CAMK1D: variants seen among roughly 807,000 people sequenced by gnomAD.
CAMK1D encodes calcium/calmodulin dependent protein kinase ID.
In CAMK1D, 9 loss-of-function variants were observed where a neutral mutation model predicts 47.7. The observed-to-expected ratio is 0.19, with a 90% CI of 0.11 to 0.33. The LOEUF (loss-of-function observed/expected upper bound fraction) is 0.33, where lower values mean the gene tolerates loss of function less well. Ranked by LOEUF, CAMK1D falls within the 10% of genes least tolerant of loss-of-function variation. The pLI is 1.00. For missense variants in CAMK1D, 291 were observed against 488.7 expected (o/e 0.60, Z 3.81); for synonymous variants, 184 against 184.9 (o/e 0.99, Z 0.04).
intron 4 of CAMK1D, among the ~76,000 whole-genome samples, chr10:12,768,818 T>C (rs1332576737): frequency 6.6e-6 from 1 of 152,142 alleles, no homozygotes; most frequent in East Asian, 1.9e-4. Context: ...CCTGCTTCCT[T>C]GCTAGGAACA....
At chr10:12,704,574 A>G (rs1264207231) in intron 3 of CAMK1D, among the ~76,000 whole-genome samples, 1 of 152,148 alleles carries the variant, frequency 6.6e-6, no homozygotes, top group African/African-American at 2.4e-5. Flanking sequence ...AAAAAAAAAG[A>G]AAGATTACCC....
intron 1 of CAMK1D, among the ~76,000 whole-genome samples, chr10:12,427,281 C>T (rs111971219): frequency 5.3e-5 from 8 of 152,316 alleles, no homozygotes; most frequent in African/African-American, 1.9e-4. Context: ...ACCAGTTCAC[C>T]CCTAGGCAAA....
At chr10:12,635,125 A>G (rs77716576) in intron 2 of CAMK1D, among the ~76,000 whole-genome samples, 2,914 of 152,162 alleles carry the variant, frequency 0.019, 85 homozygotes, top group African/African-American at 0.066. Flanking sequence ...TGTGGGGAAC[A>G]TGAGAGAGGT....
chr10:12,374,258 C>CAAAAAAAAAAAAAAA (rs56312810), intron 1 of CAMK1D, among the ~76,000 whole-genome samples: 28 of 91,720 alleles, frequency 3.1e-4, no homozygotes, highest in Non-Finnish European at 4.8e-4. Flanking sequence ...GACTCTGTCT[C>CAAAAAAAAAAAAAAA]AAAAAAAAAA....
chr10:12,801,665 A>G (rs75170733), intron 6 of CAMK1D, among the ~76,000 whole-genome samples: 7 of 152,120 alleles, frequency 4.6e-5, no homozygotes, highest in African/African-American at 1.7e-4. Flanking sequence ...GTCTATCTTC[A>G]TATCTATATC....
At chr10:12,533,385 C>T (rs891185531) in intron 1 of CAMK1D, among the ~76,000 whole-genome samples, 1 of 152,194 alleles carries the variant, frequency 6.6e-6, no homozygotes, top group African/African-American at 2.4e-5. Context: ...CAAGTACCAT[C>T]TCCTGGTTAT....
At chr10:12,819,320 G>A (rs1475004291) in intron 8 of CAMK1D, among the ~76,000 whole-genome samples, 1 of 152,234 alleles carries the variant, frequency 6.6e-6, no homozygotes, top group African/African-American at 2.4e-5. Context: ...GCTTAAAACT[G>A]CATGTGCGTT....
intron 1 of CAMK1D, among the ~76,000 whole-genome samples, chr10:12,395,265 G>A (rs542369905): frequency 3.1e-4 from 47 of 151,372 alleles, no homozygotes; most frequent in African/African-American, 1.1e-3. Flanking sequence ...TAGAGACCAG[G>A]GGGTCCCAAA....
intron 1 of CAMK1D, among the ~76,000 whole-genome samples, chr10:12,406,238 T>G (rs1440509370): frequency 4.6e-5 from 7 of 152,180 alleles, no homozygotes; most frequent in Non-Finnish European, 1.0e-4. Flanking sequence ...GAAGTTTGTT[T>G]CTGACTTGTT....
At chr10:12,801,297 G>GTATCTATCTATCCATC (rs1347655439) in intron 6 of CAMK1D, among the ~76,000 whole-genome samples, 5 of 89,896 alleles carry the variant, frequency 5.6e-5, no homozygotes, top group African/African-American at 1.8e-4. Context: ...GTCTGTGTGT[G>GTATCTATCTATCCATC]TATCTATCTA....
intron 2 of CAMK1D, among the ~76,000 whole-genome samples, chr10:12,558,386 T>G (rs147964136): frequency 6.6e-6 from 1 of 152,130 alleles, no homozygotes; most frequent in East Asian, 1.9e-4. Flanking sequence ...AAACCCCATC[T>G]CTATTCAAAC....
Position 12,436,207 on chromosome 10 carries a change from A to C in CAMK1D, c.92+86297A>C, listed in dbSNP as rs544063671. On this transcript the variant is annotated intron_variant, in intron 1 of 10. Transcript: ENST00000619168. ...TCTGGTTCCTTGGTCTTCCTCTTCC[A>C]CGTACAGGCTTCACATGTGTGCCCA... is the stretch of plus-strand genomic sequence containing the variant. Among the ~76,000 whole-genome samples, 3 of 152,212 alleles carry C rather than the reference A, an allele frequency of 2.0e-5. No individual in the cohort carries two copies. The South Asian group carries it at 6.2e-4, about 32-fold the overall frequency.
chr10:12,766,980 G>C (rs1370295464), intron 4 of CAMK1D, among the ~76,000 whole-genome samples: 1 of 152,138 alleles, frequency 6.6e-6, no homozygotes, highest in Non-Finnish European at 1.5e-5. Flanking sequence ...TGACACATCA[G>C]AATGCTGCTT....
intron 4 of CAMK1D, among the ~76,000 whole-genome samples, chr10:12,766,565 AT>A (rs1836774842): frequency 6.6e-6 from 1 of 151,180 alleles, no homozygotes; most frequent in Non-Finnish European, 1.5e-5. Context: ...TTGCAGCTTG[AT>A]TTTTCAGGCT....
chr10:12,540,729 A>G (rs1016205644), intron 1 of CAMK1D, among the ~76,000 whole-genome samples: 2 of 152,236 alleles, frequency 1.3e-5, no homozygotes, highest in Admixed American at 6.5e-5. Context: ...TCTTGAAGCT[A>G]TTATGCAGGA....
intron 1 of CAMK1D, among the ~76,000 whole-genome samples, chr10:12,532,580 A>G (rs1192131180): frequency 1.3e-5 from 2 of 152,174 alleles, no homozygotes; most frequent in African/African-American, 4.8e-5. Context: ...TGCCCGGCCT[A>G]TCTTTTTATT....
At chr10:12,371,697 A>G (rs1038437612) in intron 1 of CAMK1D, among the ~76,000 whole-genome samples, 2 of 151,578 alleles carry the variant, frequency 1.3e-5, no homozygotes, top group African/African-American at 4.8e-5. Context: ...GGAGTTCAAG[A>G]CCAGCCTGGC....
At chr10:12,695,123 T>C (rs1325193784) in intron 3 of CAMK1D, among the ~76,000 whole-genome samples, 1 of 152,084 alleles carries the variant, frequency 6.6e-6, no homozygotes, top group Non-Finnish European at 1.5e-5. Context: ...TTGGTTCTGT[T>C]TTCTGGAGTC....
intron 1 of CAMK1D, among the ~76,000 whole-genome samples, chr10:12,515,627 TG>T (rs1181285841): frequency 1.7e-5 from 2 of 114,756 alleles, no homozygotes; most frequent in African/African-American, 3.3e-5. Flanking sequence ...TTTTTTTTTT[TG>T]AGACAGAGTC....
Sources: gnomAD v4.1 joint callset for allele counts (sites outside exome capture counted in the v4.1 genomes callset) on GRCh38, gnomAD v4.1.1 for gene constraint, MANE v1.5 for transcripts, NCBI Gene and HGNC (gene_info 2026-07-23, HGNC 2026-07-21) for gene names.